The following HIVEP1 variants were observed in gnomAD, a reference collection of about 807,000 sequenced individuals.
HIVEP1 encodes HIVEP zinc finger 1.
HIVEP1 carries 36 observed loss-of-function variants against 180.0 expected under a neutral mutation model. The observed-to-expected ratio is 0.20, with a 90% CI of 0.15 to 0.26. The LOEUF (loss-of-function observed/expected upper bound fraction) is 0.26. HIVEP1 is among the 10% of genes least tolerant of loss of function. The probability of loss-of-function intolerance (pLI) is 1.00; values close to 1 mark genes in which losing one functional copy is unlikely to be tolerated. For synonymous variants in HIVEP1, 1,239 were observed against 1,239.0 expected, an observed-to-expected ratio of 1.00 and a Z score of 0.00; for missense variants, 3,143 against 3,268.7, an observed-to-expected ratio of 0.96 and a Z score of 0.94.
intron 2 of HIVEP1, among the ~76,000 whole-genome samples, chr6:12,017,168 T>C (rs1055018898): frequency 1.3e-5 from 2 of 152,368 alleles, no homozygotes; most frequent in East Asian, 1.9e-4. Flanking sequence ...TTACAGGCCA[T>C]AGGCTCTTTT....
intron 2 of HIVEP1, among the ~76,000 whole-genome samples, chr6:12,040,974 T>A (rs1769648168): frequency 6.6e-6 from 1 of 152,222 alleles, no homozygotes; most frequent in African/African-American, 2.4e-5. Context: ...TGTGTCCCCA[T>A]GATCCAGCCC....
intron 2 of HIVEP1, among the ~76,000 whole-genome samples, chr6:12,060,062 C>T (rs1220944780): frequency 6.6e-6 from 1 of 152,154 alleles, no homozygotes; most frequent in African/African-American, 2.4e-5. Flanking sequence ...ATTAAACCCA[C>T]CACGTTTATA....
intron 2 of HIVEP1, among the ~76,000 whole-genome samples, chr6:12,020,033 T>G (rs915648546): frequency 6.6e-6 from 1 of 152,234 alleles, no homozygotes; most frequent in Non-Finnish European, 1.5e-5. Context: ...TATCTACTTC[T>G]TTGCTCTTAG....
rs1459599716 is a variant in HIVEP1 at position 12,123,263 on chromosome 6, A to T, written c.3468A>T (p.Arg1156Ser). Residue 1156 changes from arginine to serine, a missense_variant, in exon 4 of 9, where the codon AGA (arginine) becomes AGT (serine). Physicochemically the swap from Arg to Ser is moderately radical, Grantham distance 110 (BLOSUM62 -1). Transcript: ENST00000379388. ...NSFDKPEPFE[R>S]ASPVSFQELN... ...TTGACAAGCCTGAGCCTTTTGAAAG[A>T]GCCTCCCCAGTTTCTTTCCAGGAGC... 6.2e-7 allele frequency: 1 copy of T among 1,614,144 alleles called. No individual in the cohort carries two copies. Among genetic ancestry groups the T allele is most frequent in the Non-Finnish European group, 8.5e-7 (1 of 1,180,030 alleles).
At chr6:12,178,058 A>C in the HIVEP1 span, among the ~76,000 whole-genome samples, 9 of 152,236 alleles carry the variant, frequency 5.9e-5, no homozygotes, top group Non-Finnish European at 1.2e-4. Context: ...TGACATTGAG[A>C]TAGGGAAAGG....
chr6:12,143,609 G>C (rs1011375337), intron 7 of HIVEP1, among the ~76,000 whole-genome samples: 5 of 152,206 alleles, frequency 3.3e-5, no homozygotes, highest in African/African-American at 1.2e-4. Context: ...CCTGTTTGCA[G>C]ATGACATGAT....
At chr6:12,019,947 A>T (rs1022432288) in intron 2 of HIVEP1, among the ~76,000 whole-genome samples, 2 of 152,250 alleles carry the variant, frequency 1.3e-5, no homozygotes, top group African/African-American at 4.8e-5. Context: ...ACCGGAATCT[A>T]TCATGGAAGA....
intron 2 of HIVEP1, among the ~76,000 whole-genome samples, chr6:12,022,145 G>T (rs952816764): frequency 2.6e-5 from 4 of 151,580 alleles, no homozygotes; most frequent in African/African-American, 9.7e-5. Context: ...GTTAACTTTT[G>T]TTTTATATGA....
intron 3 of HIVEP1, among the ~76,000 whole-genome samples, chr6:12,092,328 C>T (rs139114032): frequency 3.9e-5 from 6 of 152,238 alleles, no homozygotes; most frequent in Non-Finnish European, 7.4e-5. Context: ...CCATATTGTA[C>T]GTAGTCTTCT....
At chr6:12,066,302 A>T (rs1771579589) in intron 2 of HIVEP1, among the ~76,000 whole-genome samples, 1 of 152,206 alleles carries the variant, frequency 6.6e-6, no homozygotes, top group Admixed American at 6.5e-5. Context: ...TAAGTATCCA[A>T]ATAATTGCAT....
At chr6:12,088,555 C>T (rs528860791) in intron 2 of HIVEP1, among the ~76,000 whole-genome samples, 2 of 152,118 alleles carry the variant, frequency 1.3e-5, no homozygotes, top group Non-Finnish European at 2.9e-5. Context: ...TCCCAATTCT[C>T]TTAGTTATTG....
At position 12,120,956 on chromosome 6, in the gene HIVEP1, A is replaced by G; in HGVS notation, c.1161A>G (p.Val387=). 12 of 1,614,200 alleles carry G rather than the reference A, an allele frequency of 7.4e-6. No homozygotes were observed. The highest frequency in any genetic ancestry group is 1.0e-5 in the Non-Finnish European group (12 of 1,180,022). Residue 387 remains valine (V), a synonymous_variant, in exon 4 of 9, where the codon GTA becomes GTG. Coordinates refer to ENST00000379388, the MANE Select transcript of HIVEP1 (RefSeq NM_002114.4). ...TTGCCTCTGTTGTTAATCAAAGCGT[A>G]GAGCAAATGTGCAATCTTCTTCTGA... ...THVASVVNQS[V]EQMCNLLLKD...
chr6:12,104,396 T>TTTTTC (rs1554142983), intron 3 of HIVEP1, among the ~76,000 whole-genome samples: 1 of 126,582 alleles, frequency 7.9e-6, no homozygotes, highest in African/African-American at 2.9e-5. Flanking sequence ...CTCTCTTCGT[T>TTTTTC]TCTCTCTCTC....
chr6:12,098,397 A>C (rs997991152), intron 3 of HIVEP1, among the ~76,000 whole-genome samples: 6 of 152,004 alleles, frequency 3.9e-5, no homozygotes, highest in African/African-American at 1.4e-4. Context: ...GGGGAGAAAA[A>C]CCCAGGTTTT....
At chr6:12,202,942 T>A in the HIVEP1 span, among the ~76,000 whole-genome samples, 163 of 152,368 alleles carry the variant, frequency 1.1e-3, no homozygotes, top group African/African-American at 3.6e-3. Flanking sequence ...ATCCACAGTC[T>A]GTAATGAATG....
rs964261227 is a variant in HIVEP1, at chr6:12,110,878, T to C, written c.95-9012T>C. Among the ~76,000 whole-genome samples, 11 of 152,344 alleles carry C rather than the reference T, an allele frequency of 7.2e-5. No homozygotes were observed. In the East Asian group the frequency reaches 9.6e-4, roughly 13 times the overall value. ...TTCAGTAAGCTTAATCATTTCTAGCTTTTGGCTTAAAGCTAGAGACATGCA... is the reference window on the plus strand; with the variant it reads ...TTCAGTAAGCTTAATCATTTCTAGCCTTTGGCTTAAAGCTAGAGACATGCA... On this transcript the variant is annotated intron_variant, in intron 3 of 8. Transcript: ENST00000379388.
chr6:12,074,869 T>C (rs1772249073), intron 2 of HIVEP1, among the ~76,000 whole-genome samples: 1 of 152,176 alleles, frequency 6.6e-6, no homozygotes, highest in African/African-American at 2.4e-5. Flanking sequence ...TGTTTGATAG[T>C]ATGTATGTAT....
chr6:12,017,756 A>T (rs1368998482), intron 2 of HIVEP1, among the ~76,000 whole-genome samples: 3 of 152,198 alleles, frequency 2.0e-5, no homozygotes, highest in African/African-American at 7.2e-5. Context: ...TGATTGGTGT[A>T]TTTAAAAACC....
rs760693696 is a variant in HIVEP1 at position 12,125,124 on chromosome 6, G to C, written c.5329G>C (p.Val1777Leu). The change falls in exon 4 of 9, where the codon GTG (valine) becomes CTG (leucine). Residue 1777 changes from valine to leucine, a missense_variant. Transcript: ENST00000379388. ...DENGAVCATD[V>L]RPLEALSSRV... The stretch of plus-strand genomic sequence containing the variant: ...AAATGGAGCTGTTTGTGCAACAGAC[G>C]TGAGACCTTTAGAGGCTTTGAGTTC... 4 of 1,613,642 alleles carry C rather than the reference G, an allele frequency of 2.5e-6. No homozygotes were observed. The East Asian group carries it at 8.9e-5, about 36-fold the overall frequency.
Sources: gnomAD v4.1 joint callset for allele counts (sites outside exome capture counted in the v4.1 genomes callset) on GRCh38, gnomAD v4.1.1 for gene constraint, MANE v1.5 for transcripts, NCBI Gene and HGNC (gene_info 2026-07-23, HGNC 2026-07-21) for gene names.